IRAK4: variants seen among roughly 807,000 people sequenced by gnomAD.
The protein encoded by IRAK4 is interleukin-1 receptor-associated kinase 4.
A neutral mutation model predicts 51.8 loss-of-function variants in IRAK4; 44 were observed. The observed-to-expected ratio is 0.85, with a 90% CI of 0.67 to 1.09. IRAK4 has a LOEUF of 1.09. Among genes scored for constraint, IRAK4 ranks in the 50% least tolerant of loss-of-function variants. The pLI is 0.00. For synonymous variants in IRAK4, 149 were observed against 174.1 expected, an observed-to-expected ratio of 0.86 and a Z score of 1.13; for missense variants, 487 against 538.0, an observed-to-expected ratio of 0.91 and a Z score of 0.94.
chr12:43,782,287 A>C lies in IRAK4; in HGVS notation c.942-20A>C. The stretch of plus-strand genomic sequence containing the variant: ...GGGTGGGAAAAACATTTTTTTCTTC[A>C]AACTTTACATTTTTTTCAGTGCAAA... On this transcript the variant is annotated intron_variant, in intron 8 of 11. Coordinates refer to ENST00000613694, the MANE Select transcript of IRAK4 (RefSeq NM_016123.4). 2 of 1,595,092 alleles carry C rather than the reference A, an allele frequency of 1.3e-6. No homozygotes were observed. Among genetic ancestry groups the C allele is most frequent in the Non-Finnish European group, 8.6e-7 (1 of 1,162,846 alleles).
At chr12:43,766,994 G>C (rs1940215810) in intron 1 of IRAK4, among the ~76,000 whole-genome samples, 1 of 152,174 alleles carries the variant, frequency 6.6e-6, no homozygotes, top group Admixed American at 6.5e-5. Flanking sequence ...GAAGTCCAAA[G>C]AGAAGAAGTG....
chr12:43,768,958 C>A lies in IRAK4; in HGVS notation c.161+686C>A, dbSNP rs1940459496. On this transcript the variant is annotated intron_variant, in intron 2 of 11. Coordinates refer to ENST00000613694, the MANE Select transcript of IRAK4 (RefSeq NM_016123.4). Reference sequence around the variant, plus strand: ...TTTCAGCATTAATCTGGGAAAGAACCTAAAAGACTTGGCTCCCTTGCAGGA... The same window carrying A: ...TTTCAGCATTAATCTGGGAAAGAACATAAAAGACTTGGCTCCCTTGCAGGA... 2.0e-5 allele frequency among the ~76,000 whole-genome samples: 3 copies of A among 152,090 alleles called. No homozygotes were observed. In the South Asian group the frequency reaches 6.2e-4, roughly 32 times the overall value.
chr12:43,785,013 A>G (rs1301748137), intron 10 of IRAK4, among the ~76,000 whole-genome samples: 1 of 152,146 alleles, frequency 6.6e-6, no homozygotes, highest in African/African-American at 2.4e-5. Context: ...ACTTAAAGCA[A>G]CAGAAATTTA....
chr12:43,770,972 TC>T, intron 2 of IRAK4: 3 of 646,654 alleles, frequency 4.6e-6, no homozygotes, highest in South Asian at 1.6e-5. Context: ...TCTCTCTCTC[TC>T]TTTTTTTTTC....
At position 43,787,102 on chromosome 12, in the gene IRAK4, G is replaced by A. The variant is rs981456775; in HGVS notation, c.*387G>A. The A allele has an allele frequency of 4.2e-5, 8 of 188,452 alleles. No individual in the cohort carries two copies. The highest frequency in any genetic ancestry group is 1.6e-4 in the African/African-American group (7 of 42,574). 11.7% of individuals were successfully genotyped at this position (188,452 alleles called of 1,614,324 possible). A position where few individuals can be genotyped will look rare whatever the true frequency, so the allele number is the denominator to read the frequency against. On this transcript the variant is annotated 3_prime_UTR_variant, in exon 12 of 12. Coordinates refer to ENST00000613694, the MANE Select transcript of IRAK4 (RefSeq NM_016123.4). The stretch of plus-strand genomic sequence containing the variant: ...TTGGACATACACTTAGCTGCTGTGA[G>A]CCACTAATAACATTGGGCTAATATC...
At chr12:43,776,140 G>A (rs147908054) in intron 6 of IRAK4, among the ~76,000 whole-genome samples, 11 of 152,038 alleles carry the variant, frequency 7.2e-5, no homozygotes, top group Admixed American at 1.3e-4. Flanking sequence ...CCTCGGCTGG[G>A]AATACAGGCG....
At chr12:43,768,022 T>C in intron 1 of IRAK4, 81 bp from the exon 2 acceptor site, 1 of 993,600 alleles carries the variant, frequency 1.0e-6, no homozygotes, top group Non-Finnish European at 1.6e-6. Flanking sequence ...TCATATGATA[T>C]AGCAAAGTGT....
At chr12:43,776,162 G>A (rs4251490) in intron 6 of IRAK4, among the ~76,000 whole-genome samples, 2,833 of 152,108 alleles carry the variant, frequency 0.019, 58 homozygotes, top group South Asian at 0.071. Context: ...GAGTCACTGC[G>A]CCCGGCCTAT....
intron 8 of IRAK4, among the ~76,000 whole-genome samples, chr12:43,778,726 CAAAT>C (rs776200396): frequency 1.3e-5 from 2 of 151,798 alleles, no homozygotes; most frequent in Non-Finnish European, 2.9e-5. Flanking sequence ...CAACATCAAT[CAAAT>C]AAGCACAAAA....
intron 6 of IRAK4, 32 bp from the exon 7 acceptor site, chr12:43,777,598 A>T (rs1313490792): frequency 1.9e-6 from 3 of 1,576,456 alleles, no homozygotes; most frequent in Middle Eastern, 3.4e-4. Flanking sequence ...TATTTATTAT[A>T]ATAATTTTGC....
rs1273829496 is a variant in IRAK4, at chr12:43,778,234, T to G, written c.873T>G (p.Ile291Met). 1.9e-6 allele frequency: 3 copies of G among 1,612,026 alleles called. No individual in the cohort carries two copies. ...TTTCTTGGCACATGAGATGCAAGAT[T>G]GCTCAGGGTGCAGCTAATGGCATCA... Reference protein sequence around the residue: ...PPLSWHMRCKIAQGAANGINF... With the variant: ...PPLSWHMRCKMAQGAANGINF... Residue 291 changes from isoleucine to methionine, a missense_variant, in exon 8 of 12, where the codon ATT (isoleucine) becomes ATG (methionine). By Grantham distance (10) the Ile-to-Met change is conservative (BLOSUM62 1). Coordinates refer to ENST00000613694, the MANE Select transcript of IRAK4 (RefSeq NM_016123.4).
rs1342139766 is a variant in IRAK4 at position 43,772,975 on chromosome 12, T to G, written c.554T>G (p.Ile185Ser). Residue 185 changes from isoleucine (I) to serine (S), a missense_variant, in exon 5 of 12, where the codon ATT (isoleucine) becomes AGT (serine). Transcript: ENST00000613694. ...NVTNNFDERP[I>S]SVGGNKMGEG... ...ACAAATAACTTTGATGAACGACCCA[T>G]TTCTGTTGGTGGTAATAAAATGGGA... The G allele has an allele frequency of 1.9e-6, 3 of 1,612,000 alleles. No homozygotes were observed. In the South Asian group the frequency reaches 3.3e-5, roughly 18 times the overall value.
At position 43,771,204 on chromosome 12, in the gene IRAK4, GTTAC is replaced by G; in HGVS notation, c.162-9_162-6del. ...GACAATAGACTAATTTTGTTTCTTT[GTTAC>G]TTACTTTTAAGGAGATTTGAAGCAT... is the stretch of plus-strand genomic sequence containing the variant. On this transcript the variant is annotated splice_polypyrimidine_tract_variant and intron_variant, in intron 2 of 11. Coordinates refer to ENST00000613694, the MANE Select transcript of IRAK4 (RefSeq NM_016123.4). The G allele has an allele frequency of 3.7e-6, 6 of 1,610,128 alleles. No homozygotes were observed. Among genetic ancestry groups the G allele is most frequent in the Non-Finnish European group, 5.1e-6 (6 of 1,176,844 alleles).
In IRAK4 at chr12:43,777,631, T is replaced by C. The variant is rs1348205393; in HGVS notation, c.718T>C (p.Cys240Arg). ...TGCATGAAAAATTATTTGTCACAGG[T>C]GTCAACATGAAAACTTAGTAGAACT... ...FDQEIKVMAK[C>R]QHENLVELLG... Residue 240 changes from cysteine (C) to arginine (R), a missense_variant and splice_region_variant, in exon 7 of 12, where the codon TGT becomes CGT. Coordinates refer to ENST00000613694, the MANE Select transcript of IRAK4 (RefSeq NM_016123.4). The C allele has an allele frequency of 2.5e-6, 4 of 1,603,432 alleles. No individual in the cohort carries two copies. The highest frequency in any genetic ancestry group is 3.4e-6 in the Non-Finnish European group (4 of 1,174,646).
intron 4 of IRAK4, among the ~76,000 whole-genome samples, 190 bp downstream of exon 4, chr12:43,772,552 G>A (rs897761345): frequency 6.6e-6 from 1 of 152,102 alleles, no homozygotes; most frequent in Admixed American, 6.5e-5. Flanking sequence ...AGAGGCAATA[G>A]GACATGCAAA....
chr12:43,780,049 G>A (rs1357171397), intron 8 of IRAK4, among the ~76,000 whole-genome samples: 1 of 152,174 alleles, frequency 6.6e-6, no homozygotes, highest in Non-Finnish European at 1.5e-5. Context: ...AGGGTAAGAT[G>A]AAAACCTGGA....
At chr12:43,770,859 C>G (rs1326401799) in intron 2 of IRAK4, among the ~76,000 whole-genome samples, 1 of 152,182 alleles carries the variant, frequency 6.6e-6, no homozygotes, top group Non-Finnish European at 1.5e-5. Context: ...GCCATGAGAG[C>G]TTTGCCCTTA....
intron 4 of IRAK4, 28 bp from the exon 5 acceptor site, chr12:43,772,884 T>G: frequency 6.6e-7 from 1 of 1,526,480 alleles, no homozygotes; most frequent in Admixed American, 1.7e-5. Context: ...TTTTAAAATT[T>G]AAGCATGTTT....
intron 8 of IRAK4, among the ~76,000 whole-genome samples, chr12:43,781,949 G>T (rs1197577480): frequency 6.6e-6 from 1 of 152,140 alleles, no homozygotes; most frequent in Non-Finnish European, 1.5e-5. Context: ...AGGTGCCTTG[G>T]AAGACTTTGT....
Sources: gnomAD v4.1 joint callset for allele counts (sites outside exome capture counted in the v4.1 genomes callset) on GRCh38, gnomAD v4.1.1 for gene constraint, MANE v1.5 for transcripts, NCBI Gene and HGNC (gene_info 2026-07-23, HGNC 2026-07-21) for gene names.